KALRN: variants seen among roughly 807,000 people sequenced by gnomAD.
The protein encoded by KALRN is kalirin RhoGEF kinase.
KALRN carries 70 observed loss-of-function variants against 353.7 expected under a neutral mutation model. The observed-to-expected ratio is 0.20, with a 90% confidence interval of 0.16 to 0.24. The LOEUF is 0.24. Ranked by LOEUF, KALRN falls within the 10% of genes least tolerant of loss-of-function variation. The pLI is 1.00. For missense variants in KALRN, 2,791 were observed against 3,756.7 expected (o/e 0.74, Z 6.72); for synonymous variants, 1,391 against 1,434.8 (o/e 0.97, Z 0.69).
At chr3:124,405,331 A>C (rs2091395836) in intron 13 of KALRN, among the ~76,000 whole-genome samples, 1 of 152,154 alleles carries the variant, frequency 6.6e-6, no homozygotes, top group East Asian at 1.9e-4. Flanking sequence ...ACCTGAACTC[A>C]AGTAAAATTA....
At chr3:124,391,926 G>A (rs1031691485) in intron 11 of KALRN, among the ~76,000 whole-genome samples, 4 of 152,212 alleles carry the variant, frequency 2.6e-5, no homozygotes, top group African/African-American at 9.6e-5. Context: ...GCCCAGTCTA[G>A]TATCTTGAAG....
intron 33 of KALRN, among the ~76,000 whole-genome samples, chr3:124,553,558 C>T (rs1394137753): frequency 6.6e-6 from 1 of 152,196 alleles, no homozygotes; most frequent in African/African-American, 2.4e-5. Flanking sequence ...CCCGTAACTT[C>T]TTCTCTCTCT....
chr3:124,053,288 A>G (rs530690658), intron 1 of KALRN, among the ~76,000 whole-genome samples: 1 of 152,352 alleles, frequency 6.6e-6, no homozygotes, highest in East Asian at 1.9e-4. Context: ...TAGAAGGGAT[A>G]ATATGGCATT....
chr3:124,140,120 TC>T (rs1344797755), intron 1 of KALRN, among the ~76,000 whole-genome samples: 1 of 152,146 alleles, frequency 6.6e-6, no homozygotes, highest in Non-Finnish European at 1.5e-5. Context: ...CCTTTGCCAG[TC>T]CGGTCAATCG....
chr3:124,651,496 C>T (rs1342108679), intron 38 of KALRN, among the ~76,000 whole-genome samples: 2 of 152,130 alleles, frequency 1.3e-5, no homozygotes, highest in Admixed American at 1.3e-4. Context: ...ATTCATAATG[C>T]AGAACAATCC....
chr3:124,128,755 G>C (rs985703003), intron 1 of KALRN, among the ~76,000 whole-genome samples: 1 of 152,108 alleles, frequency 6.6e-6, no homozygotes, highest in African/African-American at 2.4e-5. Context: ...CTTCATGCAG[G>C]TGACTGTGGT....
chr3:124,461,455 T>G (rs188610601), intron 23 of KALRN, among the ~76,000 whole-genome samples: 1 of 152,312 alleles, frequency 6.6e-6, no homozygotes, highest in East Asian at 1.9e-4. Context: ...GGTATATATC[T>G]ACAAACTCTA....
At chr3:124,680,627 ATGT>A (rs1373243749) in intron 51 of KALRN, among the ~76,000 whole-genome samples, 1 of 152,210 alleles carries the variant, frequency 6.6e-6, no homozygotes, top group African/African-American at 2.4e-5. Context: ...GTCCAGCACC[ATGT>A]TGTTTCAGCC....
At chr3:124,227,504 T>G (rs891980698) in intron 1 of KALRN, among the ~76,000 whole-genome samples, 1 of 152,094 alleles carries the variant, frequency 6.6e-6, no homozygotes, top group Non-Finnish European at 1.5e-5. Flanking sequence ...GCAAGAAGGA[T>G]TCTTTAGGAC....
chr3:124,504,746 A>G (rs925659485), intron 33 of KALRN: 1 of 426,026 alleles, frequency 2.3e-6, no homozygotes, highest in Non-Finnish European at 4.9e-6. Flanking sequence ...GGCAGTGAGC[A>G]CTGGGATGTG....
chr3:124,587,796 C>T (rs1398826970), intron 34 of KALRN, among the ~76,000 whole-genome samples: 1 of 145,038 alleles, frequency 6.9e-6, no homozygotes, highest in Non-Finnish European at 1.5e-5. Flanking sequence ...ACCAGGATCT[C>T]CTGGGCTCCC....
At chr3:124,552,018 G>A (rs1032218618) in intron 33 of KALRN, among the ~76,000 whole-genome samples, 19 of 152,184 alleles carry the variant, frequency 1.2e-4, no homozygotes, top group Non-Finnish European at 1.8e-4. Flanking sequence ...AAAATTGGAT[G>A]ATAATGCCAA....
Position 124,192,727 on chromosome 3 carries a change from A to G in KALRN, c.74-35263A>G, listed in dbSNP as rs1401788413. ...AAAGAGATACCATGGATGTGTGTGC[A>G]CAGAGGAGAGGCTGTAGAAGGACAC... On this transcript the variant is annotated intron_variant, in intron 1 of 59. Coordinates refer to ENST00000682506, the MANE Select transcript of KALRN (RefSeq NM_001388419.1). 2.0e-5 allele frequency among the ~76,000 whole-genome samples: 3 copies of G among 152,362 alleles called. No homozygotes were observed. The East Asian group carries it at 5.8e-4, about 29-fold the overall frequency.
At chr3:124,183,290 A>G (rs1207556073) in intron 1 of KALRN, among the ~76,000 whole-genome samples, 1 of 152,170 alleles carries the variant, frequency 6.6e-6, no homozygotes, top group Non-Finnish European at 1.5e-5. Flanking sequence ...TGCAGGCTGT[A>G]TAGGAAGCAC....
In KALRN at chr3:124,646,391, C is replaced by CTTTTTTTT. The variant is rs10673161; in HGVS notation, c.5665-4407_5665-4400dup. 3.8e-4 allele frequency among the ~76,000 whole-genome samples: 42 copies of CTTTTTTTT among 110,454 alleles called. 2 individuals carry two copies. Among genetic ancestry groups the CTTTTTTTT allele is most frequent in the Admixed American group, 7.2e-4 (7 of 9,772 alleles). 72.5% of individuals were successfully genotyped at this position (110,454 alleles called of 152,430 possible). ...GACTGCTAGAGGGATCTTTTGTTTA[C>CTTTTTTTT]TTTTTTTTTTTTTTTTTGAGACAGA... On this transcript the variant is annotated intron_variant, in intron 37 of 59. Coordinates refer to ENST00000682506, the MANE Select transcript of KALRN (RefSeq NM_001388419.1).
At chr3:124,514,059 T>A (rs2066261436) in intron 33 of KALRN, among the ~76,000 whole-genome samples, 1 of 152,164 alleles carries the variant, frequency 6.6e-6, no homozygotes, top group Admixed American at 6.5e-5. Flanking sequence ...CCTGAAAGTG[T>A]GTTTCATGGT....
intron 25 of KALRN, among the ~76,000 whole-genome samples, chr3:124,464,875 A>AC (rs386397817): frequency 2.6e-4 from 40 of 151,672 alleles, no homozygotes; most frequent in African/African-American, 8.0e-4. Context: ...AAAAAAAAAA[A>AC]ACCTCATAGT....
At chr3:124,404,150 C>T in intron 13 of KALRN, among the ~76,000 whole-genome samples, 1 of 7,302 alleles carries the variant, frequency 1.4e-4, no homozygotes, top group South Asian at 5.8e-3. Flanking sequence ...GTTCTGCTCT[C>T]TGGAAAAAAA....
At chr3:124,135,594 G>C (rs1323198844) in intron 1 of KALRN, among the ~76,000 whole-genome samples, 2 of 152,202 alleles carry the variant, frequency 1.3e-5, no homozygotes, top group African/African-American at 2.4e-5. Context: ...GGTCTGCACT[G>C]TGAGCTGTCT....
Sources: gnomAD v4.1 joint callset for allele counts (sites outside exome capture counted in the v4.1 genomes callset) on GRCh38, gnomAD v4.1.1 for gene constraint, MANE v1.5 for transcripts, NCBI Gene and HGNC (gene_info 2026-07-23, HGNC 2026-07-21) for gene names.